Variants in FGF10 observed in about 807,000 individuals in gnomAD.
The protein encoded by FGF10 is FGF-10.
In FGF10, 2 loss-of-function variants were observed where a neutral mutation model predicts 19.8. The ratio of observed to expected loss-of-function variants is 0.10; its 90% CI spans 0.04 to 0.32. The LOEUF is 0.32. Among genes scored for constraint, FGF10 ranks in the 10% least tolerant of loss-of-function variants. FGF10 has a pLI of 1.00. For missense variants in FGF10, 191 were observed against 246.3 expected, an observed-to-expected ratio of 0.78 and a Z score of 1.50; for synonymous variants, 112 against 94.0, an observed-to-expected ratio of 1.19 and a Z score of -1.10.
chr5:44,313,838 A>G (rs575660282), intron 1 of FGF10, among the ~76,000 whole-genome samples: 1 of 152,284 alleles, frequency 6.6e-6, no homozygotes, highest in South Asian at 2.1e-4. Flanking sequence ...TCACTTAGGA[A>G]GACCTAGGAG....
chr5:44,371,460 T>C (rs1178595260), intron 1 of FGF10, among the ~76,000 whole-genome samples: 1 of 152,124 alleles, frequency 6.6e-6, no homozygotes, highest in Non-Finnish European at 1.5e-5. Context: ...TTTTTAAAAA[T>C]TGGTCTTCTC....
intron 2 of FGF10, among the ~76,000 whole-genome samples, chr5:44,306,684 A>G (rs1203387600): frequency 6.6e-6 from 1 of 152,210 alleles, no homozygotes; most frequent in Non-Finnish European, 1.5e-5. Flanking sequence ...CATTATCAGA[A>G]CCATAAGAAG....
rs1003786276 is a variant in FGF10, at chr5:44,344,648, T to C, written c.326-34118A>G. Among the ~76,000 whole-genome samples, 13 of 149,688 alleles carry C rather than the reference T, an allele frequency of 8.7e-5. 1 individual carries two copies. In the South Asian group the frequency reaches 1.1e-3, roughly 12 times the overall value. On this transcript the variant is annotated intron_variant, in intron 1 of 2. Coordinates refer to ENST00000264664, the MANE Select transcript of FGF10 (RefSeq NM_004465.2). The stretch of plus-strand genomic sequence containing the variant: ...ACTTCTGCTTCCAGGGTCAAATATT[T>C]TGCATTTCCAATACTCAGGATTGAG...
chr5:44,316,156 A>C (rs1388438314), intron 1 of FGF10, among the ~76,000 whole-genome samples: 3 of 152,132 alleles, frequency 2.0e-5, no homozygotes, highest in Non-Finnish European at 4.4e-5. Flanking sequence ...TCTAGGTTGC[A>C]CACTCCATAT....
At chr5:44,311,357 G>A (rs995707526) in intron 1 of FGF10, among the ~76,000 whole-genome samples, 1 of 152,056 alleles carries the variant, frequency 6.6e-6, no homozygotes, top group Non-Finnish European at 1.5e-5. Context: ...ACCCATTTTA[G>A]TTTAAGAAGA....
chr5:44,375,737 A>G (rs1490829469), intron 1 of FGF10, among the ~76,000 whole-genome samples: 1 of 152,092 alleles, frequency 6.6e-6, no homozygotes. Flanking sequence ...CTGAGACTGA[A>G]CAGGTGTTAA....
chr5:44,354,414 T>C (rs17234142), intron 1 of FGF10, among the ~76,000 whole-genome samples: 1,998 of 151,632 alleles, frequency 0.013, 87 homozygotes, highest in East Asian at 0.12. Flanking sequence ...TACTCTGTTA[T>C]ATCTTCCCTG....
chr5:44,353,296 T>C (rs78611334), intron 1 of FGF10, among the ~76,000 whole-genome samples: 2 of 151,648 alleles, frequency 1.3e-5, no homozygotes, highest in Non-Finnish European at 3.0e-5. Flanking sequence ...TTAGTTTTCA[T>C]GCTTTGCTTG....
intron 1 of FGF10, 152 bp from the exon 2 acceptor site, chr5:44,310,682 C>T (rs1740191911): frequency 1.6e-6 from 1 of 641,520 alleles, no homozygotes. Context: ...ACAAGCAAAT[C>T]TTTTTCAATG....
intron 1 of FGF10, among the ~76,000 whole-genome samples, chr5:44,375,297 A>T (rs1481187054): frequency 6.6e-6 from 1 of 152,224 alleles, no homozygotes; most frequent in East Asian, 1.9e-4. Flanking sequence ...TTGCATTATA[A>T]TGCTAGGTAT....
Position 44,300,924 on chromosome 5 carries a change from G to C in FGF10, c.*4071C>G, listed in dbSNP as rs1739953530. On this transcript the variant is annotated 3_prime_UTR_variant, in exon 3 of 3. Coordinates refer to ENST00000264664, the MANE Select transcript of FGF10 (RefSeq NM_004465.2). ...TTACCTTTTTGGATCTTGTAGTAAA[G>C]GAGTTTGGGGTTTTGGGTTTTGGAG... 6.6e-6 allele frequency among the ~76,000 whole-genome samples: 1 copy of C among 151,990 alleles called. No individual in the cohort carries two copies. The highest frequency in any genetic ancestry group is 1.5e-5 in the Non-Finnish European group (1 of 67,990).
rs1435603290 is a variant in FGF10 at position 44,388,783 on chromosome 5, G to A, written c.-101C>T. 6.6e-6 allele frequency: 8 copies of A among 1,213,732 alleles called. No individual in the cohort carries two copies. In the East Asian group the frequency reaches 1.5e-4, roughly 22 times the overall value. The allele number at this position is 1,213,732 out of a possible 1,614,324, so 75.2% of individuals were successfully genotyped here. ...AAGGAGAGAGCTCGAGGTGGTGGCT[G>A]CTGGTTAGCTCCCTCTGGGCGCGGA... On this transcript the variant is annotated 5_prime_UTR_variant, in exon 1 of 3. Coordinates refer to ENST00000264664, the MANE Select transcript of FGF10 (RefSeq NM_004465.2).
intron 2 of FGF10, among the ~76,000 whole-genome samples, chr5:44,308,434 C>A (rs115212577): frequency 6.6e-6 from 1 of 151,918 alleles, no homozygotes; most frequent in Admixed American, 6.6e-5. Context: ...GGCTTTAGGA[C>A]GTTGGGTCTA....
chr5:44,355,172 G>A (rs953162548), intron 1 of FGF10, among the ~76,000 whole-genome samples: 1 of 151,422 alleles, frequency 6.6e-6, no homozygotes, highest in Non-Finnish European at 1.5e-5. Flanking sequence ...GGGTAGGAAA[G>A]AAGACAATTT....
intron 1 of FGF10, among the ~76,000 whole-genome samples, chr5:44,385,642 T>C (rs573390387): frequency 6.6e-6 from 1 of 152,256 alleles, no homozygotes. Context: ...TGAAATGTGG[T>C]TTTTGGAAAA....
At chr5:44,368,932 T>A (rs951800817) in intron 1 of FGF10, among the ~76,000 whole-genome samples, 1 of 152,108 alleles carries the variant, frequency 6.6e-6, no homozygotes, top group African/African-American at 2.4e-5. Context: ...TCTTCCAAAG[T>A]GTTGAGATTA....
chr5:44,374,179 CATT>C (rs763590629), intron 1 of FGF10, among the ~76,000 whole-genome samples: 1 of 152,156 alleles, frequency 6.6e-6, no homozygotes, highest in Non-Finnish European at 1.5e-5. Context: ...AAGACAACAA[CATT>C]GTATCTTTAA....
chr5:44,349,420 CT>C (rs1202098263), intron 1 of FGF10, among the ~76,000 whole-genome samples: 6 of 33,742 alleles, frequency 1.8e-4, no homozygotes, highest in Non-Finnish European at 3.3e-4. Flanking sequence ...AAAGCATTTT[CT>C]TTATATATAT....
At chr5:44,327,515 T>G (rs1254001632) in intron 1 of FGF10, among the ~76,000 whole-genome samples, 1 of 152,178 alleles carries the variant, frequency 6.6e-6, no homozygotes, top group Non-Finnish European at 1.5e-5. Flanking sequence ...ACACCCTGGA[T>G]ATTCTTTGTC....
Sources: gnomAD v4.1 joint callset for allele counts (sites outside exome capture counted in the v4.1 genomes callset) on GRCh38, gnomAD v4.1.1 for gene constraint, MANE v1.5 for transcripts, NCBI Gene and HGNC (gene_info 2026-07-23, HGNC 2026-07-21) for gene names.